The following HUWE1 variants were observed in gnomAD, a reference collection of about 807,000 sequenced individuals.
HUWE1 encodes E3 ubiquitin-protein ligase HUWE1.
A neutral mutation model predicts 299.4 loss-of-function variants in HUWE1; 18 were observed. The observed-to-expected ratio is 0.06, with a 90% CI of 0.04 to 0.09. The LOEUF (loss-of-function observed/expected upper bound fraction) is 0.09, where lower values mean the gene tolerates loss of function less well. Among genes scored for constraint, HUWE1 ranks in the 10% least tolerant of loss-of-function variants. The pLI is 1.00. For synonymous variants in HUWE1, 1,317 were observed against 1,286.1 expected (o/e 1.02, Z -0.51); for missense variants, 1,832 against 3,462.3 (o/e 0.53, Z 11.82).
Position 53,536,412 on chromosome X carries a change from G to T in HUWE1, c.12393C>A (p.Ser4131=). 1.7e-6 allele frequency: 2 copies of T among 1,211,114 alleles called. No individual in the cohort carries two copies. The highest frequency in any genetic ancestry group is 2.2e-6 in the Non-Finnish European group (2 of 895,301). Residue 4131 remains serine, a synonymous_variant, in exon 79 of 84, where the codon TCC becomes TCA. Coordinates refer to ENST00000262854, the MANE Select transcript of HUWE1 (RefSeq NM_031407.7). ...NRLLECYFTR[S]FYKHILGKSV... ...ACTTGCCCAAGATGTGTTTGTAAAA[G>T]GATCGAGTAAAGTAGCACTCCAGAA... is the stretch of plus-strand genomic sequence containing the variant.
Position 53,617,112 on chromosome X carries a change from T to C in HUWE1, c.1815A>G (p.Pro605=). The C allele has an allele frequency of 4.1e-6, 5 of 1,210,493 alleles. No homozygotes were observed. The highest frequency in any genetic ancestry group is 5.6e-6 in the Non-Finnish European group (5 of 894,819). Residue 605 remains proline, a synonymous_variant, in exon 21 of 84, where the codon CCA becomes CCG. Transcript: ENST00000262854. ...TCAAACAGAGTGCACTGAATACATT[T>C]GGGAGGGAGCCAAGGACTTCACGGG... is the stretch of plus-strand genomic sequence containing the variant. ...PATREVLGSL[P]NVFSALCLNA...
chrX:53,562,701 T>C, intron 53 of HUWE1, 130 bp downstream of exon 53: 2 of 541,868 alleles, frequency 3.7e-6, no homozygotes, highest in Non-Finnish European at 6.5e-6. Context: ...GGATGGTGTA[T>C]GTCAGCGCAT....
At chrX:53,559,167 C>A (rs2062169708) in intron 57 of HUWE1, 107 bp from the exon 58 acceptor site, 1 of 775,135 alleles carries the variant, frequency 1.3e-6, no homozygotes, top group Admixed American at 2.7e-5. Context: ...AGGTCTATCA[C>A]AATGTTTAGA....
chrX:53,592,057 A>G (rs1180460250), intron 33 of HUWE1, among the ~76,000 whole-genome samples: 1 of 112,103 alleles, frequency 8.9e-6, no homozygotes, highest in African/African-American at 3.2e-5. Context: ...AAGGTTTCAG[A>G]AAGCTCTTGT....
Position 53,575,798 on chromosome X carries a change from C to T in HUWE1, c.5885-10G>A, listed in dbSNP as rs1250434218. 12 of 1,208,014 alleles carry T rather than the reference C, an allele frequency of 9.9e-6. No homozygotes were observed. The highest frequency in any genetic ancestry group is 1.2e-5 in the Non-Finnish European group (11 of 893,151). ...GGATCAGATTTATCTGCTAGGAAAA[C>T]AGTAACAACCATCAAAAACAAAATA... On this transcript the variant is annotated splice_polypyrimidine_tract_variant and intron_variant, in intron 44 of 83. Coordinates refer to ENST00000262854, the MANE Select transcript of HUWE1 (RefSeq NM_031407.7).
intron 48 of HUWE1, 40 bp downstream of exon 48, chrX:53,569,576 T>C (rs966722574): frequency 8.8e-6 from 10 of 1,136,209 alleles, no homozygotes; most frequent in Non-Finnish European, 1.2e-5. Flanking sequence ...AATAAGGGGA[T>C]GTTCTTGGCT....
rs782361167 is a variant in HUWE1 at position 53,675,712 on chromosome X, C to T, written c.-25+4337G>A. Among the ~76,000 whole-genome samples, 16 of 111,629 alleles carry T rather than the reference C, an allele frequency of 1.4e-4. No individual in the cohort carries two copies. In the East Asian group the frequency reaches 3.9e-3, roughly 27 times the overall value. On this transcript the variant is annotated intron_variant, in intron 3 of 83. Transcript: ENST00000262854. ...AGCAGCACTTATTACATGCCACAAACTATACTTTAGATATTATGTGTAATG... is the reference window on the plus strand; with the variant it reads ...AGCAGCACTTATTACATGCCACAAATTATACTTTAGATATTATGTGTAATG...
At chrX:53,657,422 A>G (rs953052020) in intron 3 of HUWE1, among the ~76,000 whole-genome samples, 2 of 111,929 alleles carry the variant, frequency 1.8e-5, no homozygotes, top group Admixed American at 9.5e-5. Flanking sequence ...GCTACTCAGG[A>G]GGCTGAGGCA....
At position 53,645,738 on chromosome X, in the gene HUWE1, T is replaced by C. The variant is rs1425021652; in HGVS notation, c.352-275A>G. ...AAAAAAAGAAAAAAAAAAAAAAAAA[T>C]ATATATATATATATATATATATATA... On this transcript the variant is annotated intron_variant, in intron 6 of 83. Transcript: ENST00000262854. Among the ~76,000 whole-genome samples, 3 of 17,122 alleles carry C rather than the reference T, an allele frequency of 1.8e-4. 1 individual carries two copies. In the Admixed American group the frequency reaches 2.5e-3, roughly 15 times the overall value. 14.9% of individuals were successfully genotyped at this position (17,122 alleles called of 115,157 possible).
chrX:53,578,860 G>A (rs1364891972), intron 43 of HUWE1, among the ~76,000 whole-genome samples: 1 of 76,226 alleles, frequency 1.3e-5, no homozygotes, highest in Non-Finnish European at 2.6e-5. Flanking sequence ...GAGGTGGGGG[G>A]TCAGCCCCCC....
chrX:53,639,410 G>A lies in HUWE1; in HGVS notation c.505-5112C>T, dbSNP rs149019227. On this transcript the variant is annotated intron_variant, in intron 7 of 83. Coordinates refer to ENST00000262854, the MANE Select transcript of HUWE1 (RefSeq NM_031407.7). Reference sequence around the variant, plus strand: ...CATCATTCATAACAAATATAAGCATGCATCAATAGGGAACTTGAGTAAAAT... The same window carrying A: ...CATCATTCATAACAAATATAAGCATACATCAATAGGGAACTTGAGTAAAAT... Among the ~76,000 whole-genome samples the A allele has an allele frequency of 7.2e-3, 804 of 111,401 alleles. 3 individuals are homozygous for A. The highest frequency in any genetic ancestry group is 0.025 in the African/African-American group (770 of 30,639).
intron 19 of HUWE1, among the ~76,000 whole-genome samples, chrX:53,618,876 A>AG (rs201615404): frequency 9.1e-6 from 1 of 109,413 alleles, no homozygotes; most frequent in South Asian, 3.9e-4. Context: ...AATTTTTAAA[A>AG]GGGGAAAAAA....
chrX:53,621,080 T>C (rs782534953), intron 19 of HUWE1, among the ~76,000 whole-genome samples: 2 of 112,028 alleles, frequency 1.8e-5, no homozygotes, highest in Non-Finnish European at 3.8e-5. Context: ...ACCAACATTC[T>C]TAGACAGGAA....
At chrX:53,582,154 C>T (rs2063651099) in intron 42 of HUWE1, among the ~76,000 whole-genome samples, 1 of 112,553 alleles carries the variant, frequency 8.9e-6, no homozygotes, top group South Asian at 3.7e-4. Context: ...TATAATTTAC[C>T]TAAAGTTAAA....
chrX:53,644,733 G>A (rs2067850703), intron 7 of HUWE1, among the ~76,000 whole-genome samples: 1 of 112,262 alleles, frequency 8.9e-6, no homozygotes, highest in African/African-American at 3.2e-5. Context: ...TTTCTTCTAA[G>A]AAAGCTTTCC....
At chrX:53,624,419 C>T (rs868926551) in intron 19 of HUWE1, among the ~76,000 whole-genome samples, 176 bp downstream of exon 19, 4 of 112,179 alleles carry the variant, frequency 3.6e-5, no homozygotes, top group Non-Finnish European at 5.6e-5. Flanking sequence ...CTCGCTTTAA[C>T]CCGGGAGGCA....
chrX:53,599,390 C>T (rs1342536848), intron 29 of HUWE1, among the ~76,000 whole-genome samples: 1 of 111,566 alleles, frequency 9.0e-6, no homozygotes, highest in Admixed American at 9.5e-5. Context: ...ACGAAGGGCC[C>T]CAGATTCCTC....
At chrX:53,629,964 A>G (rs2066761715) in intron 12 of HUWE1, among the ~76,000 whole-genome samples, 1 of 112,487 alleles carries the variant, frequency 8.9e-6, no homozygotes. Context: ...GCCTCTTCCT[A>G]TGCTTCTGCT....
At position 53,627,894 on chromosome X, in the gene HUWE1, AAG is replaced by A; in HGVS notation, c.1243-17_1243-16del. 8.3e-7 allele frequency: 1 copy of A among 1,203,148 alleles called. No individual in the cohort carries two copies. The highest frequency in any genetic ancestry group is 1.1e-6 in the Non-Finnish European group (1 of 888,310). ...AACTTTATGACCTATCACGGAGAAAAAGAGGCAAAAACAATGAACTATAAAGA... is the reference window on the plus strand; with the variant it reads ...AACTTTATGACCTATCACGGAGAAAAAGGCAAAAACAATGAACTATAAAGA... On this transcript the variant is annotated splice_polypyrimidine_tract_variant and intron_variant, in intron 15 of 83. Coordinates refer to ENST00000262854, the MANE Select transcript of HUWE1 (RefSeq NM_031407.7).
Sources: gnomAD v4.1 joint callset for allele counts (sites outside exome capture counted in the v4.1 genomes callset) on GRCh38, gnomAD v4.1.1 for gene constraint, MANE v1.5 for transcripts, NCBI Gene and HGNC (gene_info 2026-07-23, HGNC 2026-07-21) for gene names.